EXOC6B: variants seen among roughly 807,000 people sequenced by gnomAD.
EXOC6B encodes the protein SEC15 homolog B.
In EXOC6B, 54 loss-of-function variants were observed where a neutral mutation model predicts 113.5. The observed-to-expected ratio is 0.48, with a 90% CI of 0.38 to 0.60. The LOEUF (loss-of-function observed/expected upper bound fraction) is 0.60, where lower values mean the gene tolerates loss of function less well. Ranked by LOEUF, EXOC6B falls within the 20% of genes least tolerant of loss-of-function variation. EXOC6B has a pLI of 0.00. For synonymous variants in EXOC6B, 357 were observed against 339.0 expected (o/e 1.05, Z -0.58); for missense variants, 797 against 977.5 (o/e 0.82, Z 2.46).
intron 20 of EXOC6B, among the ~76,000 whole-genome samples, chr2:72,229,287 GAGACGTCGTTA>G (rs1681458880): frequency 6.6e-6 from 1 of 152,148 alleles, no homozygotes; most frequent in Non-Finnish European, 1.5e-5. Flanking sequence ...TTGAAATAGG[GAGACGTCGTTA>G]AGATCTAACT....
intron 20 of EXOC6B, 30 bp from the exon 21 acceptor site, chr2:72,184,217 A>G: frequency 8.0e-7 from 1 of 1,249,972 alleles, no homozygotes; most frequent in Non-Finnish European, 1.1e-6. Flanking sequence ...CACCCCAGGG[A>G]TTAGTCAGAC....
At chr2:72,403,896 C>A (rs376770991) in intron 18 of EXOC6B, among the ~76,000 whole-genome samples, 39 of 152,116 alleles carry the variant, frequency 2.6e-4, no homozygotes, top group African/African-American at 8.0e-4. Flanking sequence ...GAGCATGACC[C>A]GAAGCAGGGC....
intron 18 of EXOC6B, among the ~76,000 whole-genome samples, chr2:72,400,610 C>A (rs1693070726): frequency 1.3e-5 from 2 of 150,394 alleles, no homozygotes; most frequent in Non-Finnish European, 1.5e-5. Flanking sequence ...AATAAATAAC[C>A]CCATTAAAAA....
At chr2:72,410,805 T>C (rs1694125828) in intron 18 of EXOC6B, among the ~76,000 whole-genome samples, 1 of 152,172 alleles carries the variant, frequency 6.6e-6, no homozygotes, top group African/African-American at 2.4e-5. Context: ...ATACCTACTT[T>C]ATACACATAT....
intron 19 of EXOC6B, among the ~76,000 whole-genome samples, chr2:72,348,361 G>C (rs1438359345): frequency 3.9e-5 from 6 of 152,076 alleles, no homozygotes; most frequent in Admixed American, 2.0e-4. Flanking sequence ...TTCCCATTAT[G>C]AGAAAATTCT....
intron 20 of EXOC6B, among the ~76,000 whole-genome samples, chr2:72,290,272 A>G (rs1685701514): frequency 6.6e-6 from 1 of 152,254 alleles, no homozygotes; most frequent in African/African-American, 2.4e-5. Flanking sequence ...TTATATAGAT[A>G]CATATTACAC....
At chr2:72,472,398 G>T (rs1309515810) in intron 17 of EXOC6B, among the ~76,000 whole-genome samples, 1 of 152,084 alleles carries the variant, frequency 6.6e-6, no homozygotes, top group Non-Finnish European at 1.5e-5. Context: ...TTATTGGTCT[G>T]TTCAGGTTTT....
intron 18 of EXOC6B, among the ~76,000 whole-genome samples, chr2:72,417,163 A>G (rs185476472): frequency 6.6e-6 from 1 of 152,296 alleles, no homozygotes; most frequent in East Asian, 1.9e-4. Flanking sequence ...TGGTTTATAA[A>G]ACAGTTTCAA....
intron 18 of EXOC6B, among the ~76,000 whole-genome samples, chr2:72,421,781 T>C (rs1030399393): frequency 4.7e-4 from 72 of 152,200 alleles, no homozygotes; most frequent in Non-Finnish European, 7.5e-4. Context: ...CTTTCTGGGC[T>C]GGCCAAGGCT....
intron 3 of EXOC6B, 63 bp downstream of exon 3, chr2:72,733,008 T>C: frequency 4.5e-6 from 5 of 1,103,308 alleles, no homozygotes; most frequent in African/African-American, 1.5e-5. Flanking sequence ...ATGAATAACA[T>C]AGTCATTAAA....
intron 6 of EXOC6B, among the ~76,000 whole-genome samples, chr2:72,596,486 T>C (rs1360632964): frequency 6.6e-6 from 1 of 151,872 alleles, no homozygotes; most frequent in Middle Eastern, 3.2e-3. Flanking sequence ...TCCAAAAAAA[T>C]CCCCTCCTGC....
At chr2:72,662,518 C>A (rs1041082480) in intron 6 of EXOC6B, among the ~76,000 whole-genome samples, 4 of 152,106 alleles carry the variant, frequency 2.6e-5, no homozygotes, top group African/African-American at 7.2e-5. Context: ...AGACACTTCA[C>A]CAAAGAGTAC....
chr2:72,273,028 T>C (rs574812715), intron 20 of EXOC6B, among the ~76,000 whole-genome samples: 7 of 152,240 alleles, frequency 4.6e-5, no homozygotes, highest in South Asian at 2.1e-4. Context: ...TTACATCTTT[T>C]CACCTGACCT....
intron 7 of EXOC6B, among the ~76,000 whole-genome samples, chr2:72,564,278 T>A (rs575936014): frequency 6.6e-6 from 1 of 152,106 alleles, no homozygotes; most frequent in Admixed American, 6.5e-5. Context: ...ACACACACAC[T>A]CTCTCCCTCA....
intron 8 of EXOC6B, among the ~76,000 whole-genome samples, chr2:72,535,446 A>G (rs1483274736): frequency 6.6e-6 from 1 of 152,218 alleles, no homozygotes; most frequent in Non-Finnish European, 1.5e-5. Flanking sequence ...TCCATGCTGT[A>G]AGCACCAAAG....
At chr2:72,689,452 G>A (rs1481191465) in intron 6 of EXOC6B, among the ~76,000 whole-genome samples, 15 of 152,072 alleles carry the variant, frequency 9.9e-5, no homozygotes, top group Non-Finnish European at 1.5e-5. Context: ...ACCTTCCTTT[G>A]TAATATCTAC....
intron 6 of EXOC6B, among the ~76,000 whole-genome samples, chr2:72,580,713 C>T (rs986146225): frequency 2.0e-5 from 3 of 152,136 alleles, no homozygotes; most frequent in Non-Finnish European, 4.4e-5. Flanking sequence ...TACTTGGATA[C>T]TTACAGTACA....
intron 20 of EXOC6B, chr2:72,289,060 A>G: frequency 3.3e-6 from 1 of 302,192 alleles, no homozygotes; most frequent in Non-Finnish European, 6.2e-6. Flanking sequence ...ATCACGGACC[A>G]AGAAGAAGCA....
intron 6 of EXOC6B, among the ~76,000 whole-genome samples, chr2:72,697,730 A>G (rs566587747): frequency 5.3e-5 from 8 of 152,198 alleles, no homozygotes; most frequent in Non-Finnish European, 1.0e-4. Context: ...TATGCCAGAA[A>G]GTAAGAGTCT....
Sources: gnomAD v4.1 joint callset for allele counts (sites outside exome capture counted in the v4.1 genomes callset) on GRCh38, gnomAD v4.1.1 for gene constraint, MANE v1.5 for transcripts, NCBI Gene and HGNC (gene_info 2026-07-23, HGNC 2026-07-21) for gene names.